LINGO1: variants seen among roughly 807,000 people sequenced by gnomAD.
LINGO1 encodes leucine rich repeat and Ig domain containing 1, also known as leucine-rich repeat and immunoglobulin-like domain-containing nogo receptor-interacting protein 1.
A neutral mutation model predicts 37.3 loss-of-function variants in LINGO1; 11 were observed. That is an observed-to-expected ratio of 0.29 (90% CI 0.19 to 0.49). The LOEUF (loss-of-function observed/expected upper bound fraction) is 0.49. Ranked by LOEUF, LINGO1 falls within the 20% of genes least tolerant of loss-of-function variation. The pLI, the probability that LINGO1 is intolerant of heterozygous loss-of-function variation, is 0.99. For missense variants in LINGO1, 585 were observed against 878.2 expected (o/e 0.67, Z 4.22); for synonymous variants, 387 against 403.0 (o/e 0.96, Z 0.48).
Position 77,615,761 on chromosome 15 carries a change from G to A in LINGO1, c.146C>T (p.Ser49Phe), listed in dbSNP as rs749922029. ...ATGCPPRCEC[S>F]AQDRAVLCHR... ...GCACAGCACAGCGCGGTCCTGGGCGGAGCACTCGCAGCGGGGCGGGCAGCC... is the reference window on the plus strand; with the variant it reads ...GCACAGCACAGCGCGGTCCTGGGCGAAGCACTCGCAGCGGGGCGGGCAGCC... The change falls in exon 2 of 2, where the codon TCC (serine) becomes TTC (phenylalanine). Residue 49 changes from serine (S) to phenylalanine (F), a missense_variant. Ser to Phe is a radical substitution (Grantham distance 155). This residue lies in a region of LINGO1 where 484 missense variants were observed against 735.0 expected (regional missense o/e 0.66). Transcript: ENST00000355300. The A allele has an allele frequency of 2.3e-5, 36 of 1,582,120 alleles. No homozygotes were observed. Among genetic ancestry groups the A allele is most frequent in the Non-Finnish European group, 2.9e-5 (34 of 1,169,200 alleles).
rs572555069 is a variant in LINGO1, at chr15:77,655,710, A to T, written c.-13+21379T>A. 1.6e-4 allele frequency among the ~76,000 whole-genome samples: 25 copies of T among 152,300 alleles called. No homozygotes were observed. In the East Asian group the frequency reaches 4.4e-3, roughly 27 times the overall value. ...TGAGGTTCATTTGCCAGGGGTATGA[A>T]GAGATGGAACCAGATTCACACCCAG... is the stretch of plus-strand genomic sequence containing the variant. On this transcript the variant is annotated intron_variant, in intron 3 of 3. Coordinates refer to the LINGO1 transcript ENST00000559893.
At chr15:77,802,543 G>A (rs923785337) in intron 1 of LINGO1, among the ~76,000 whole-genome samples, 2 of 152,100 alleles carry the variant, frequency 1.3e-5, no homozygotes, top group African/African-American at 4.8e-5. Context: ...CCACTTATGA[G>A]TCAATCAACA....
At chr15:77,684,608 G>A (rs879424146) in intron 2 of LINGO1, among the ~76,000 whole-genome samples, 2 of 152,222 alleles carry the variant, frequency 1.3e-5, no homozygotes, top group Admixed American at 6.5e-5. Context: ...GCCAGCCCCC[G>A]TCCCAAGCCA....
At chr15:77,799,526 T>C (rs1302442674) in intron 1 of LINGO1, among the ~76,000 whole-genome samples, 3 of 152,172 alleles carry the variant, frequency 2.0e-5, no homozygotes, top group South Asian at 2.1e-4. Context: ...GTGAGGAAAG[T>C]GCCTTGCTAC....
chr15:77,814,249 C>T (rs1425317710), intron 1 of LINGO1, among the ~76,000 whole-genome samples: 1 of 152,180 alleles, frequency 6.6e-6, no homozygotes, highest in Non-Finnish European at 1.5e-5. Context: ...CACTGTGGAG[C>T]AAGAACACTG....
In LINGO1 at chr15:77,627,508, G is replaced by A. The variant is rs150694167; in HGVS notation, c.6+4802C>T. 2.2e-4 allele frequency among the ~76,000 whole-genome samples: 33 copies of A among 152,328 alleles called. No homozygotes were observed. The East Asian group carries it at 6.4e-3, about 30-fold the overall frequency. On this transcript the variant is annotated intron_variant, in intron 1 of 1. Transcript: ENST00000355300. ...GTCAGAGAGGACTCCCCAAGCAAGT[G>A]AGAATGGAGGAGGAGCAAGCACACA...
upstream of LINGO1, among the ~76,000 whole-genome samples, chr15:77,790,811 G>A (rs1169864393): frequency 6.6e-6 from 1 of 152,154 alleles, no homozygotes; most frequent in Non-Finnish European, 1.5e-5. Context: ...AGCTCAGTCA[G>A]TATAAGGAAG....
rs146627125 is a variant in LINGO1, at chr15:77,748,027, G to A, written c.-256-12974C>T. On this transcript the variant is annotated intron_variant, in intron 1 of 3. Coordinates refer to the LINGO1 transcript ENST00000561686. Reference sequence around the variant, plus strand: ...GTAGCAGAGCCAAGATTTGAACCCCGGTGCGACAGAGCCCAAAGCCAACCT... The same window carrying A: ...GTAGCAGAGCCAAGATTTGAACCCCAGTGCGACAGAGCCCAAAGCCAACCT... 1.2e-3 allele frequency among the ~76,000 whole-genome samples: 181 copies of A among 152,316 alleles called. 1 individual carries two copies. In the East Asian group the frequency reaches 0.025, roughly 21 times the overall value.
upstream of LINGO1, among the ~76,000 whole-genome samples, chr15:77,637,980 C>T (rs1334618061): frequency 2.0e-5 from 3 of 152,252 alleles, no homozygotes. The surrounding 1 kb of genome is among the most constrained non-coding windows in gnomAD (Gnocchi z 4.6). Flanking sequence ...CTCCCTCTCA[C>T]CATGGGGCAC....
chr15:77,647,645 G>A (rs1478858560), intron 3 of LINGO1, among the ~76,000 whole-genome samples: 1 of 152,184 alleles, frequency 6.6e-6, no homozygotes, highest in African/African-American at 2.4e-5. Flanking sequence ...AGCAGGGGCT[G>A]GGTCAATGGC....
intron 1 of LINGO1, among the ~76,000 whole-genome samples, chr15:77,628,892 C>G (rs1199382783): frequency 2.0e-5 from 3 of 152,198 alleles, no homozygotes; most frequent in Admixed American, 1.3e-4. Flanking sequence ...AATCAAACCT[C>G]TGCACCTACC....
chr15:77,818,585 T>C (rs1381631308), intron 1 of LINGO1, among the ~76,000 whole-genome samples: 1 of 152,118 alleles, frequency 6.6e-6, no homozygotes, highest in African/African-American at 2.4e-5. Flanking sequence ...AGTTCCCTTC[T>C]TCCAGCCACC....
chr15:77,674,878 G>A (rs942898416), intron 3 of LINGO1, among the ~76,000 whole-genome samples: 7 of 151,748 alleles, frequency 4.6e-5, no homozygotes, highest in Middle Eastern at 3.4e-3. Flanking sequence ...GGTATATTTC[G>A]TGAGTTTTGT....
intron 3 of LINGO1, among the ~76,000 whole-genome samples, chr15:77,653,061 A>C (rs2074796133): frequency 6.6e-6 from 1 of 152,220 alleles, no homozygotes; most frequent in Admixed American, 6.5e-5. Flanking sequence ...TCCTGATGTC[A>C]AAGGTGGGGA....
At chr15:77,752,292 C>T (rs2076379736) in intron 1 of LINGO1, among the ~76,000 whole-genome samples, 1 of 152,240 alleles carries the variant, frequency 6.6e-6, no homozygotes, top group Admixed American at 6.5e-5. Flanking sequence ...GCGACAGGAG[C>T]CTAACAGTAA....
intron 1 of LINGO1, among the ~76,000 whole-genome samples, chr15:77,797,508 G>T (rs1310801360): frequency 6.6e-6 from 1 of 152,220 alleles, no homozygotes; most frequent in Non-Finnish European, 1.5e-5. Context: ...AAGTCCACAC[G>T]AAGACAAGGA....
intron 2 of LINGO1, among the ~76,000 whole-genome samples, chr15:77,687,830 C>T (rs901191682): frequency 1.3e-5 from 2 of 152,208 alleles, no homozygotes; most frequent in African/African-American, 4.8e-5. Context: ...CAAAATACCT[C>T]CTCCCGTCAC....
upstream of LINGO1, among the ~76,000 whole-genome samples, chr15:77,639,029 G>A (rs865788866): frequency 1.3e-5 from 2 of 152,118 alleles, no homozygotes; most frequent in African/African-American, 2.4e-5. Flanking sequence ...GCCATGTTAC[G>A]AGAAGCCCAC....
intron 1 of LINGO1, among the ~76,000 whole-genome samples, chr15:77,621,135 A>G (rs1455336287): frequency 6.7e-6 from 1 of 150,024 alleles, no homozygotes; most frequent in African/African-American, 2.5e-5. Context: ...GCTCACTGTG[A>G]CCTCCACCTC....
Sources: gnomAD v4.1 joint callset for allele counts (sites outside exome capture counted in the v4.1 genomes callset) on GRCh38, gnomAD v4.1.1 for gene constraint, gnomAD v4.1.1 regional missense constraint, Gnocchi (gnomAD v3.1) non-coding constraint, MANE v1.5 for transcripts, NCBI Gene and HGNC (gene_info 2026-07-23, HGNC 2026-07-21) for gene names.